Variants in SCG5 observed in about 807,000 individuals in gnomAD.
The protein encoded by SCG5 is secretogranin V, also known as neuroendocrine protein 7B2.
Under a neutral mutation model 25.7 loss-of-function variants are expected in SCG5, and 18 were observed. The observed-to-expected ratio is 0.70, with a 90% CI of 0.48 to 1.04. The LOEUF (loss-of-function observed/expected upper bound fraction) is 1.04. SCG5 is among the 50% of genes least tolerant of loss of function. The pLI is 0.00. For synonymous variants in SCG5, 101 were observed against 91.7 expected, an observed-to-expected ratio of 1.10 and a Z score of -0.58; for missense variants, 206 against 259.8, an observed-to-expected ratio of 0.79 and a Z score of 1.42.
chr15:32,645,387 A>G (rs1320255944), intron 2 of SCG5, among the ~76,000 whole-genome samples: 2 of 152,166 alleles, frequency 1.3e-5, no homozygotes. Context: ...ACTATTTAGT[A>G]CCCACTATAT....
At chr15:32,648,929 G>A (rs1020016466) in intron 2 of SCG5, among the ~76,000 whole-genome samples, 11 of 151,982 alleles carry the variant, frequency 7.2e-5, no homozygotes, top group Non-Finnish European at 1.3e-4. Context: ...CCGCCACCAC[G>A]CCCGGCTAAT....
At chr15:32,650,750 C>T (rs989883604) in intron 2 of SCG5, among the ~76,000 whole-genome samples, 1 of 152,226 alleles carries the variant, frequency 6.6e-6, no homozygotes, top group Non-Finnish European at 1.5e-5. Flanking sequence ...AGATAGGCTG[C>T]TCAGTGCCAG....
At chr15:32,685,541 C>T (rs2054694646) in intron 4 of SCG5, among the ~76,000 whole-genome samples, 1 of 152,186 alleles carries the variant, frequency 6.6e-6, no homozygotes, top group African/African-American at 2.4e-5. Context: ...TACCCCACTC[C>T]ACATTTTTAT....
At chr15:32,671,895 T>C (rs2054432336) in intron 2 of SCG5, among the ~76,000 whole-genome samples, 1 of 152,108 alleles carries the variant, frequency 6.6e-6, no homozygotes, top group African/African-American at 2.4e-5. Context: ...TGCCTTCCCT[T>C]AGCCTGGGGA....
chr15:32,655,952 A>C (rs2054110531), intron 2 of SCG5: 1 of 152,178 alleles, frequency 6.6e-6, no homozygotes, highest in Non-Finnish European at 1.5e-5. Flanking sequence ...TAAATACTAG[A>C]GATTTTTTAG....
At chr15:32,696,323 T>C (rs529127485) in intron 5 of SCG5, among the ~76,000 whole-genome samples, 191 bp from the exon 6 acceptor site, 32 of 152,248 alleles carry the variant, frequency 2.1e-4, no homozygotes, top group African/African-American at 6.5e-4. Flanking sequence ...TTCACCGTGT[T>C]AGCCAGGATG....
At chr15:32,688,788 C>T (rs1484388673) in intron 4 of SCG5, among the ~76,000 whole-genome samples, 1 of 152,020 alleles carries the variant, frequency 6.6e-6, no homozygotes, top group Non-Finnish European at 1.5e-5. Flanking sequence ...GAAACCCCGT[C>T]TCTACTAAAA....
chr15:32,686,413 G>A (rs2054709926), intron 4 of SCG5, among the ~76,000 whole-genome samples: 1 of 152,168 alleles, frequency 6.6e-6, no homozygotes, highest in Non-Finnish European at 1.5e-5. Flanking sequence ...GAAGAAGGGT[G>A]AGAATCCAAG....
At chr15:32,695,011 C>CTTTTTTTT (rs10718630) in intron 5 of SCG5, among the ~76,000 whole-genome samples, 1 of 123,638 alleles carries the variant, frequency 8.1e-6, no homozygotes. Context: ...TTCTTTCTTT[C>CTTTTTTTT]TTTTTTTTTT....
intron 4 of SCG5, among the ~76,000 whole-genome samples, chr15:32,690,992 T>C (rs563668763): frequency 6.6e-6 from 1 of 151,578 alleles, no homozygotes; most frequent in South Asian, 2.1e-4. Flanking sequence ...TCTTTTATAA[T>C]CTCAATAGAA....
intron 2 of SCG5, among the ~76,000 whole-genome samples, chr15:32,677,138 T>C (rs1012814443): frequency 2.0e-5 from 3 of 152,170 alleles, no homozygotes; most frequent in African/African-American, 7.2e-5. Context: ...AATGCAGATA[T>C]TTTACAGTTT....
chr15:32,684,582 C>G lies in SCG5; in HGVS notation c.402C>G (p.Thr134=). Residue 134 remains threonine, a synonymous_variant, in exon 4 of 6, where the codon ACC becomes ACG. Transcript: ENST00000300175. ...CAGATGATGGATGTCTAGAAAACAC[C>G]CCTGACACTGCAGAGTTCAGTCGAG... The part of the protein sequence containing the change: ...KTADDGCLEN[T]PDTAEFSREF... 6.2e-7 allele frequency: 1 copy of G among 1,613,210 alleles called. No individual in the cohort carries two copies. Among genetic ancestry groups the G allele is most frequent in the Non-Finnish European group, 8.5e-7 (1 of 1,179,446 alleles).
At chr15:32,643,276 A>T (rs2053894430) in intron 1 of SCG5, among the ~76,000 whole-genome samples, 1 of 152,202 alleles carries the variant, frequency 6.6e-6, no homozygotes, top group Non-Finnish European at 1.5e-5. Context: ...GTTAGGAGTA[A>T]TGCAGAACTT....
At chr15:32,690,483 C>A (rs1422415218) in intron 4 of SCG5, among the ~76,000 whole-genome samples, 1 of 152,212 alleles carries the variant, frequency 6.6e-6, no homozygotes, top group Non-Finnish European at 1.5e-5. Flanking sequence ...GCAAGTCTGC[C>A]TTTTCTCCCT....
At chr15:32,647,017 C>T (rs937601735) in intron 2 of SCG5, among the ~76,000 whole-genome samples, 2 of 152,160 alleles carry the variant, frequency 1.3e-5, no homozygotes, top group Non-Finnish European at 2.9e-5. Flanking sequence ...ATACACTTAA[C>T]ATGGTGCTTA....
intron 4 of SCG5, among the ~76,000 whole-genome samples, chr15:32,690,870 A>G (rs2054839159): frequency 6.6e-6 from 1 of 151,226 alleles, no homozygotes; most frequent in East Asian, 1.9e-4. Flanking sequence ...TCTTTTATAC[A>G]TCATTTTCCT....
intron 2 of SCG5, among the ~76,000 whole-genome samples, chr15:32,653,826 T>G (rs1166281392): frequency 1.6e-4 from 25 of 152,224 alleles, no homozygotes; most frequent in Non-Finnish European, 4.4e-5. Flanking sequence ...AAAAATCTAG[T>G]GTTGGCTTAT....
At chr15:32,661,988 C>T (rs946160899) in intron 2 of SCG5, among the ~76,000 whole-genome samples, 2 of 152,032 alleles carry the variant, frequency 1.3e-5, no homozygotes, top group Non-Finnish European at 2.9e-5. Context: ...TCTTTTTATA[C>T]TTAATATTAT....
At chr15:32,690,930 C>G (rs915591819) in intron 4 of SCG5, among the ~76,000 whole-genome samples, 13 of 151,614 alleles carry the variant, frequency 8.6e-5, no homozygotes, top group South Asian at 8.4e-4. Context: ...AAGCCCCCCC[C>G]CACCGCCACC....
Sources: gnomAD v4.1 joint callset for allele counts (sites outside exome capture counted in the v4.1 genomes callset) on GRCh38, gnomAD v4.1.1 for gene constraint, MANE v1.5 for transcripts, NCBI Gene and HGNC (gene_info 2026-07-23, HGNC 2026-07-21) for gene names.